The following CSTL1 variants were observed in gnomAD, a reference collection of about 807,000 sequenced individuals.
The protein encoded by CSTL1 is cystatin like 1, also known as cystatin-like 1.
CSTL1 carries 14 observed loss-of-function variants against 14.4 expected under a neutral mutation model. The ratio of observed to expected loss-of-function variants is 0.97; its 90% CI spans 0.64 to 1.52. The LOEUF is 1.52. Ranked by LOEUF, CSTL1 falls within the 40% of genes most tolerant of loss-of-function variation. The pLI is 0.00. For missense variants in CSTL1, 170 were observed against 168.7 expected (o/e 1.01, Z -0.04); for synonymous variants, 72 against 67.5 (o/e 1.07, Z -0.33).
the CSTL1 span, among the ~76,000 whole-genome samples, chr20:23,454,439 AACACACAGACACAGTAC>A: frequency 6.6e-6 from 1 of 152,068 alleles, no homozygotes; most frequent in Admixed American, 6.5e-5. Context: ...CTCACGCTAA[AACACACAGACACAGTAC>A]ACACACAGAC....
At chr20:23,450,814 G>A in the CSTL1 span, among the ~76,000 whole-genome samples, 1 of 152,152 alleles carries the variant, frequency 6.6e-6, no homozygotes, top group African/African-American at 2.4e-5. Context: ...TAGAAATAAA[G>A]TGTCTGCGCA....
downstream of CSTL1, among the ~76,000 whole-genome samples, chr20:23,446,740 G>GA (rs1418732836): frequency 6.6e-6 from 1 of 152,192 alleles, no homozygotes; most frequent in African/African-American, 2.4e-5. Flanking sequence ...AATAGCCACA[G>GA]ACAATGGCTG....
chr20:23,451,745 T>A, the CSTL1 span: 1 of 1,108,716 alleles, frequency 9.0e-7, no homozygotes, highest in Non-Finnish European at 1.3e-6. Flanking sequence ...TCTTCCCAAC[T>A]CATTCTAAAG....
At chr20:23,440,756 C>CTTTT (rs11346588) in intron 2 of CSTL1, 7 of 361,520 alleles carry the variant, frequency 1.9e-5, no homozygotes, top group African/African-American at 2.3e-5. Flanking sequence ...GGATTAAACT[C>CTTTT]TTTTTTTTTT....
downstream of CSTL1, among the ~76,000 whole-genome samples, chr20:23,446,606 T>C (rs1986972591): frequency 6.6e-6 from 1 of 152,188 alleles, no homozygotes; most frequent in South Asian, 2.1e-4. Flanking sequence ...TGCGAACTCA[T>C]TTCTGCACAC....
At chr20:23,442,115 G>C (rs1196133903) in intron 2 of CSTL1, 2 of 152,272 alleles carry the variant, frequency 1.3e-5, no homozygotes, top group African/African-American at 2.4e-5. Flanking sequence ...AGCTGTTAAG[G>C]AATAATGATG....
At chr20:23,453,784 G>C in the CSTL1 span, among the ~76,000 whole-genome samples, 1 of 152,116 alleles carries the variant, frequency 6.6e-6, no homozygotes, top group African/African-American at 2.4e-5. Flanking sequence ...GCCTCCAGGG[G>C]ATGCCAGGAA....
chr20:23,452,971 C>T, the CSTL1 span: 54 of 612,556 alleles, frequency 8.8e-5, no homozygotes, highest in African/African-American at 6.5e-4. Flanking sequence ...CAGCTGAACT[C>T]GAGGGGAGAG....
the CSTL1 span, among the ~76,000 whole-genome samples, chr20:23,453,214 G>C: frequency 7.2e-5 from 11 of 151,776 alleles, no homozygotes; most frequent in Non-Finnish European, 1.3e-4. Flanking sequence ...GGTGAGCAGT[G>C]GGGGGTGGGC....
the CSTL1 span, chr20:23,450,567 A>T: frequency 6.2e-7 from 1 of 1,610,672 alleles, no homozygotes; most frequent in Non-Finnish European, 8.5e-7. Context: ...TACAGCAAAC[A>T]CTGAGAAGAA....
At chr20:23,440,721 A>C in intron 2 of CSTL1, 1 of 619,324 alleles carries the variant, frequency 1.6e-6, no homozygotes. Flanking sequence ...ACTCCAATAC[A>C]CTTAGAGGCA....
the CSTL1 span, among the ~76,000 whole-genome samples, chr20:23,454,638 C>T: frequency 8.4e-4 from 128 of 152,142 alleles, no homozygotes; most frequent in Admixed American, 1.6e-3. Context: ...GCTTCCAGGA[C>T]GGCCTCAATT....
At chr20:23,459,024 C>T in the CSTL1 span, 1 of 152,268 alleles carries the variant, frequency 6.6e-6, no homozygotes, top group Non-Finnish European at 1.5e-5. Context: ...AGGGGATTCC[C>T]CTCTGCTGAG....
chr20:23,441,093 C>G (rs1468289442), intron 2 of CSTL1, among the ~76,000 whole-genome samples: 1 of 152,176 alleles, frequency 6.6e-6, no homozygotes, highest in African/African-American at 2.4e-5. Context: ...GCCTTTCATT[C>G]TGATATTTGA....
the CSTL1 span, among the ~76,000 whole-genome samples, chr20:23,452,422 G>A: frequency 3.3e-5 from 5 of 152,166 alleles, no homozygotes; most frequent in African/African-American, 1.2e-4. Flanking sequence ...TTTTGTTTAA[G>A]TGCCTTAATT....
At chr20:23,444,999 C>T, downstream of CSTL1, 1 of 700,766 alleles carries the variant, frequency 1.4e-6, no homozygotes, top group South Asian at 1.6e-5. Flanking sequence ...TACACGTACA[C>T]ACACTTGCAC....
At chr20:23,455,492 A>G in the CSTL1 span, among the ~76,000 whole-genome samples, 3 of 152,256 alleles carry the variant, frequency 2.0e-5, no homozygotes, top group Non-Finnish European at 4.4e-5. Flanking sequence ...TAGGAATAGT[A>G]TATGTAAGCA....
At chr20:23,443,794 G>A (rs1307825156) in intron 2 of CSTL1, 140 bp from the exon 3 acceptor site, 2 of 627,744 alleles carry the variant, frequency 3.2e-6, no homozygotes, top group Non-Finnish European at 5.6e-6. Flanking sequence ...AAGGAGAAGG[G>A]AGCCATGCTT....
At chr20:23,449,663 T>C, downstream of CSTL1, among the ~76,000 whole-genome samples, 1 of 152,118 alleles carries the variant, frequency 6.6e-6, no homozygotes, top group East Asian at 1.9e-4. Context: ...TGGGGGATGC[T>C]TCCTCCCGTG....
Sources: gnomAD v4.1 joint callset for allele counts (sites outside exome capture counted in the v4.1 genomes callset) on GRCh38, gnomAD v4.1.1 for gene constraint, MANE v1.5 for transcripts, NCBI Gene and HGNC (gene_info 2026-07-23, HGNC 2026-07-21) for gene names.